Variants in COLEC10 observed in about 807,000 individuals in gnomAD.
COLEC10 encodes the protein collectin-10.
Under a neutral mutation model 28.4 loss-of-function variants are expected in COLEC10, and 22 were observed. That is an observed-to-expected ratio of 0.78 (90% CI 0.55 to 1.11). COLEC10 has a LOEUF of 1.11. Among genes scored for constraint, COLEC10 ranks in the 50% least tolerant of loss-of-function variants. The pLI is 0.00. For missense variants in COLEC10, 361 were observed against 344.1 expected (o/e 1.05, Z -0.39); for synonymous variants, 125 against 116.1 (o/e 1.08, Z -0.49).
At chr8:119,063,860 TA>T (rs200034596), upstream of COLEC10, among the ~76,000 whole-genome samples, 2,853 of 152,236 alleles carry the variant, frequency 0.019, 79 homozygotes, top group African/African-American at 0.066. Context: ...AAATGAAAGA[TA>T]AAAGCAGTCA....
chr8:119,077,243 A>ATTTTTTTTTTTTTTTTT (rs762180766), intron 1 of COLEC10, among the ~76,000 whole-genome samples: 5 of 90,292 alleles, frequency 5.5e-5, no homozygotes, highest in East Asian at 3.6e-4. Flanking sequence ...GTAGAGAATG[A>ATTTTTTTTTTTTTTTTT]TTTTTTTTTT....
intron 3 of COLEC10, among the ~76,000 whole-genome samples, chr8:119,099,836 A>C (rs978700033): frequency 4.6e-5 from 7 of 152,144 alleles, no homozygotes; most frequent in African/African-American, 1.4e-4. Context: ...CTCTGTTAGT[A>C]CATGATAGTA....
At chr8:119,080,592 A>G (rs1815348496) in intron 1 of COLEC10, among the ~76,000 whole-genome samples, 1 of 152,112 alleles carries the variant, frequency 6.6e-6, no homozygotes, top group Non-Finnish European at 1.5e-5. Context: ...TTATAAAGAG[A>G]TAAAGAGCCA....
chr8:118,998,088 T>A (rs1281200151), intron 1 of COLEC10, among the ~76,000 whole-genome samples: 3 of 152,180 alleles, frequency 2.0e-5, no homozygotes, highest in Non-Finnish European at 4.4e-5. Flanking sequence ...AACAGCAAAT[T>A]AACCTCAGTA....
Position 119,008,486 on chromosome 8 carries a change from T to TA in COLEC10, n.123-955_123-954insA, listed in dbSNP as rs1001988925. Reference sequence around the variant, plus strand: ...GGGTTTATTTTTACTTTTTATTTTTTTTTTTGCCATCGGGATTTGGCTTGT... The same window carrying TA: ...GGGTTTATTTTTACTTTTTATTTTTTATTTTTGCCATCGGGATTTGGCTTGT... On this transcript the variant is annotated intron_variant and non_coding_transcript_variant, in intron 1 of 6. Coordinates refer to the COLEC10 transcript ENST00000521788. Among the ~76,000 whole-genome samples the TA allele has an allele frequency of 8.7e-5, 13 of 149,630 alleles. 2 individuals are homozygous for TA. Among genetic ancestry groups the TA allele is most frequent in the South Asian group, 2.1e-4 (1 of 4,782 alleles).
At chr8:118,978,254 A>G in the COLEC10 span, among the ~76,000 whole-genome samples, 4 of 152,110 alleles carry the variant, frequency 2.6e-5, no homozygotes, top group Non-Finnish European at 5.9e-5. Context: ...ATAAGTTATA[A>G]TAGGGTAATT....
chr8:119,081,933 A>G (rs915111364), intron 1 of COLEC10, among the ~76,000 whole-genome samples: 4 of 152,244 alleles, frequency 2.6e-5, no homozygotes, highest in Non-Finnish European at 2.9e-5. Flanking sequence ...AGAACAATTT[A>G]TTGAACAGAC....
chr8:119,061,336 T>C (rs1397200094), intron 2 of COLEC10, among the ~76,000 whole-genome samples: 1 of 151,790 alleles, frequency 6.6e-6, no homozygotes, highest in African/African-American at 2.4e-5. Flanking sequence ...ATAATACTGA[T>C]GGACAATTAT....
intron 1 of COLEC10, among the ~76,000 whole-genome samples, chr8:119,089,450 T>C (rs2130277584): frequency 6.6e-6 from 1 of 152,304 alleles, no homozygotes. Flanking sequence ...AACAAGAATA[T>C]TTCTTCAAAC....
chr8:119,105,364 T>C (rs1191327587), intron 5 of COLEC10, among the ~76,000 whole-genome samples: 1 of 152,118 alleles, frequency 6.6e-6, no homozygotes, highest in African/African-American at 2.4e-5. Flanking sequence ...GGGGAAAATA[T>C]TTCCACTGAG....
chr8:119,005,945 T>C (rs1479239698), intron 1 of COLEC10, among the ~76,000 whole-genome samples: 1 of 152,096 alleles, frequency 6.6e-6, no homozygotes, highest in Non-Finnish European at 1.5e-5. Context: ...CTCTGTCCAC[T>C]AGGAGGATTT....
At chr8:119,032,500 A>G (rs796434882) in intron 2 of COLEC10, among the ~76,000 whole-genome samples, 18 of 152,326 alleles carry the variant, frequency 1.2e-4, no homozygotes, top group African/African-American at 4.3e-4. Flanking sequence ...TCTACAGGCC[A>G]TGGTTTTGTA....
intron 1 of COLEC10, among the ~76,000 whole-genome samples, chr8:119,005,712 G>T (rs1307864848): frequency 1.3e-5 from 2 of 152,108 alleles, no homozygotes; most frequent in Non-Finnish European, 2.9e-5. Context: ...GGATTTTAAA[G>T]CTAGATTACT....
In COLEC10 at chr8:119,102,394, C is replaced by A. The variant is rs1815854153; in HGVS notation, c.339C>A (p.Gly113=). 1 of 1,609,166 alleles carries A rather than the reference C, an allele frequency of 6.2e-7. No individual in the cohort carries two copies. ...KGLLGIPGEK[G]KAGTVCDCGR... ...TGCTTGGAATACCTGGAGAAAAAGG[C>A]AAAGCAGGTACGATATGTTCAATGT... Residue 113 remains glycine, a synonymous_variant, in exon 4 of 6, where the codon GGC becomes GGA. Transcript: ENST00000332843.
intron 2 of COLEC10, among the ~76,000 whole-genome samples, chr8:119,051,776 C>T (rs1436580243): frequency 1.3e-5 from 2 of 151,988 alleles, no homozygotes; most frequent in Non-Finnish European, 1.5e-5. Flanking sequence ...GTTTTTAACA[C>T]GTTGAAGGAA....
At chr8:118,981,027 CTA>C in the COLEC10 span, among the ~76,000 whole-genome samples, 10,246 of 148,210 alleles carry the variant, frequency 0.069, 603 homozygotes, top group East Asian at 0.17. Context: ...GGTAGTTTTC[CTA>C]TATATATATA....
At chr8:118,977,773 A>T in the COLEC10 span, among the ~76,000 whole-genome samples, 5 of 150,494 alleles carry the variant, frequency 3.3e-5, no homozygotes, top group Middle Eastern at 3.5e-3. Context: ...ATAAATAAAT[A>T]ATCAACTAAA....
intron 2 of COLEC10, among the ~76,000 whole-genome samples, chr8:119,038,570 A>G (rs1463925296): frequency 6.6e-6 from 1 of 152,224 alleles, no homozygotes; most frequent in African/African-American, 2.4e-5. Flanking sequence ...AAAACACAAA[A>G]GTTGATATGC....
chr8:119,079,040 CACA>C (rs1563737013), intron 1 of COLEC10, among the ~76,000 whole-genome samples: 3 of 120,360 alleles, frequency 2.5e-5, no homozygotes. Context: ...CACACACACA[CACA>C]CCAACCAGGA....
Sources: gnomAD v4.1 joint callset for allele counts (sites outside exome capture counted in the v4.1 genomes callset) on GRCh38, gnomAD v4.1.1 for gene constraint, MANE v1.5 for transcripts, NCBI Gene and HGNC (gene_info 2026-07-23, HGNC 2026-07-21) for gene names.